GPR63: variants seen among roughly 807,000 people sequenced by gnomAD.
GPR63 encodes probable G protein-coupled receptor 63.
Under a neutral mutation model 23.1 loss-of-function variants are expected in GPR63, and 12 were observed. The observed-to-expected ratio is 0.52, with a 90% CI of 0.33 to 0.84. The LOEUF is 0.84. GPR63 is among the 40% of genes least tolerant of loss of function. The pLI, the probability that GPR63 is intolerant of heterozygous loss-of-function variation, is 0.02. For synonymous variants in GPR63, 172 were observed against 191.1 expected (o/e 0.90, Z 0.82); for missense variants, 472 against 515.6 (o/e 0.92, Z 0.82).
Position 96,797,111 on chromosome 6 carries a change from G to C in GPR63, c.*1361C>G, listed in dbSNP as rs533698895. The C allele has an allele frequency of 6.6e-6, 1 of 152,138 alleles. No homozygotes were observed. The highest frequency in any genetic ancestry group is 1.9e-4 in the East Asian group (1 of 5,158). The allele number at this position is 152,138 out of a possible 1,614,324, so 9.4% of individuals were successfully genotyped here. ...ACCTGTGTGTGCGTGTGTGTGTGTG[G>C]TTCCAGCTATTCAGGAGGCTGAGAC... On this transcript the variant is annotated 3_prime_UTR_variant, in exon 2 of 2. Transcript: ENST00000229955.
At chr6:96,816,592 C>A (rs1016782455) in intron 1 of GPR63, among the ~76,000 whole-genome samples, 1 of 152,182 alleles carries the variant, frequency 6.6e-6, no homozygotes, top group Non-Finnish European at 1.5e-5. Flanking sequence ...GTGAGGCACT[C>A]TGCAATTCGT....
chr6:96,834,584 A>C (rs1348136448), intron 1 of GPR63, among the ~76,000 whole-genome samples: 1 of 152,120 alleles, frequency 6.6e-6, no homozygotes, highest in Non-Finnish European at 1.5e-5. Flanking sequence ...AAAAAGGAAA[A>C]AGTGCCACCT....
intron 1 of GPR63, among the ~76,000 whole-genome samples, chr6:96,810,326 T>C (rs1464459091): frequency 6.6e-6 from 1 of 152,008 alleles, no homozygotes; most frequent in Non-Finnish European, 1.5e-5. Context: ...TGAAACTCTG[T>C]CTCTATTAAA....
chr6:96,805,109 T>C (rs914074351), intron 1 of GPR63, among the ~76,000 whole-genome samples: 11 of 152,128 alleles, frequency 7.2e-5, no homozygotes, highest in African/African-American at 1.9e-4. Flanking sequence ...CACACACACA[T>C]ACATTCTTTT....
rs751472481 is a variant in GPR63, at chr6:96,799,151, C to G, written c.581G>C (p.Arg194Thr). The G allele has an allele frequency of 6.2e-7, 1 of 1,613,968 alleles. No homozygotes were observed. Among genetic ancestry groups the G allele is most frequent in the Non-Finnish European group, 8.5e-7 (1 of 1,180,032 alleles). ...AGAAACTGCAATCAGAACCTTAGCT[C>G]TATATGGGTTTAGCTTATCCTGCCT... ...VQRQDKLNPY[R>T]AKVLIAVSWA... Residue 194 changes from arginine (R) to threonine (T), a missense_variant, in exon 2 of 2, where the codon AGA (arginine) becomes ACA (threonine). Physicochemically the swap from Arg to Thr is moderately conservative, Grantham distance 71. Transcript: ENST00000229955.
chr6:96,829,614 C>T (rs1023523891), intron 1 of GPR63, among the ~76,000 whole-genome samples: 13 of 152,184 alleles, frequency 8.5e-5, no homozygotes, highest in Admixed American at 2.6e-4. Context: ...GTGAGGAGAT[C>T]GTTTAAGCCC....
Position 96,799,297 on chromosome 6 carries a change from G to A in GPR63, c.435C>T (p.Thr145=). The A allele has an allele frequency of 6.2e-7, 1 of 1,614,092 alleles. No individual in the cohort carries two copies. Among genetic ancestry groups the A allele is most frequent in the Admixed American group, 1.7e-5 (1 of 60,004 alleles). ...MPFALVTILT[T]RWIFGKFFCR... ...AGAAGAATTTCCCAAAAATCCATCGGGTAGTAAGAATAGTTACCAGGGCAA... is the reference window on the plus strand; with the variant it reads ...AGAAGAATTTCCCAAAAATCCATCGAGTAGTAAGAATAGTTACCAGGGCAA... The change falls in exon 2 of 2, where the codon ACC becomes ACT. Residue 145 remains threonine, a synonymous_variant. Transcript: ENST00000229955.
chr6:96,794,912 T>C lies in GPR63; in HGVS notation c.*3560A>G, dbSNP rs187506279. On this transcript the variant is annotated 3_prime_UTR_variant, in exon 2 of 2. Transcript: ENST00000229955. Reference sequence around the variant, plus strand: ...AGGTGGCAGCAAATCAGGCACAATGTTGTGTGGATTTTCCTCTCAATGTGG... The same window carrying C: ...AGGTGGCAGCAAATCAGGCACAATGCTGTGTGGATTTTCCTCTCAATGTGG... 24 of 152,300 alleles carry C rather than the reference T, an allele frequency of 1.6e-4. No individual in the cohort carries two copies. In the East Asian group the frequency reaches 3.5e-3, roughly 22 times the overall value. 9.4% of individuals were successfully genotyped at this position (152,300 alleles called of 1,614,324 possible).
At chr6:96,815,789 T>C (rs1260819135) in intron 1 of GPR63, among the ~76,000 whole-genome samples, 1 of 152,236 alleles carries the variant, frequency 6.6e-6, no homozygotes, top group African/African-American at 2.4e-5. Context: ...CTTGAGGTGA[T>C]GCTCCTAAAT....
intron 1 of GPR63, among the ~76,000 whole-genome samples, chr6:96,802,596 G>T (rs1276187126): frequency 2.0e-5 from 3 of 148,764 alleles, no homozygotes; most frequent in Non-Finnish European, 4.4e-5. Flanking sequence ...CTGGAGTGCA[G>T]TGGCACAGTC....
intron 1 of GPR63, among the ~76,000 whole-genome samples, chr6:96,816,653 GTT>G (rs1370392619): frequency 6.6e-6 from 1 of 152,180 alleles, no homozygotes; most frequent in African/African-American, 2.4e-5. Context: ...TAGCTCAGAG[GTT>G]TTCTCAAGGC....
At chr6:96,837,234 G>T (rs1288875612) in intron 1 of GPR63, 34 bp downstream of exon 1, 1 of 152,408 alleles carries the variant, frequency 6.6e-6, no homozygotes, top group African/African-American at 2.4e-5. Flanking sequence ...GCGGGCCGGG[G>T]ATCGCGGGCC....
At chr6:96,802,241 C>A (rs1773783584) in intron 1 of GPR63, among the ~76,000 whole-genome samples, 1 of 152,122 alleles carries the variant, frequency 6.6e-6, no homozygotes. Context: ...GTTATATTTG[C>A]ATAGTCATTG....
At chr6:96,802,432 A>G (rs1425065782) in intron 1 of GPR63, among the ~76,000 whole-genome samples, 1 of 152,214 alleles carries the variant, frequency 6.6e-6, no homozygotes, top group African/African-American at 2.4e-5. Context: ...CCACATCCCG[A>G]AAATTACACT....
At chr6:96,815,143 C>A (rs2127952844) in intron 1 of GPR63, among the ~76,000 whole-genome samples, 1 of 152,336 alleles carries the variant, frequency 6.6e-6, no homozygotes, top group Non-Finnish European at 1.5e-5. Context: ...AAGGTTGACA[C>A]TCACCATTTA....
chr6:96,834,513 G>T (rs978406978), intron 1 of GPR63, among the ~76,000 whole-genome samples: 1 of 151,754 alleles, frequency 6.6e-6, no homozygotes, highest in African/African-American at 2.4e-5. Context: ...ACTCATTCAT[G>T]TGTCTTCAAG....
intron 1 of GPR63, among the ~76,000 whole-genome samples, chr6:96,837,054 G>A (rs949241821): frequency 6.6e-6 from 1 of 152,150 alleles, no homozygotes; most frequent in African/African-American, 2.4e-5. Context: ...ACCGTGTGGC[G>A]CCGACCGAAA....
intron 1 of GPR63, among the ~76,000 whole-genome samples, chr6:96,820,420 G>C (rs142910427): frequency 6.6e-6 from 1 of 152,188 alleles, no homozygotes; most frequent in African/African-American, 2.4e-5. Flanking sequence ...ATAGGATTTT[G>C]TTATCCCCTA....
At chr6:96,818,734 A>T (rs1239778940) in intron 1 of GPR63, among the ~76,000 whole-genome samples, 1 of 152,250 alleles carries the variant, frequency 6.6e-6, no homozygotes, top group Non-Finnish European at 1.5e-5. Flanking sequence ...CATCAGGGTG[A>T]ACAGGCAACC....
Sources: allele counts gnomAD v4.1 joint callset (sites outside exome capture counted in the v4.1 genomes callset), GRCh38; gene constraint gnomAD v4.1.1; transcripts MANE v1.5; gene names NCBI Gene and HGNC (gene_info 2026-07-23, HGNC 2026-07-21).